The following TTN variants were observed in gnomAD, a reference collection of about 807,000 sequenced individuals.
TTN encodes the protein titin, also known as connectin.
In TTN, 1,525 loss-of-function variants were observed where a neutral mutation model predicts 3,223.0. The observed-to-expected ratio is 0.47, with a 90% confidence interval of 0.45 to 0.49. The LOEUF is 0.49. Ranked by LOEUF, TTN falls within the 20% of genes least tolerant of loss-of-function variation. The pLI, the probability that TTN is intolerant of heterozygous loss-of-function variation, is 0.00. For missense variants in TTN, 40,786 were observed against 43,424.0 expected (o/e 0.94, Z 5.40); for synonymous variants, 14,094 against 15,161.0 (o/e 0.93, Z 5.17).
In TTN at chr2:178,601,517, C is replaced by T. The variant is rs368523054; in HGVS notation, c.55480G>A (p.Gly18494Ser). Reference protein sequence around the residue: ...KDLKVSDITRGSCRLSWKMPD... With the variant: ...KDLKVSDITRSSCRLSWKMPD... Reference sequence around the variant, plus strand: ...ATCTTCCATGAAAGTCTGCAACTACCCCTTGTGATATCACTGACTTTCAGA... The same window carrying T: ...ATCTTCCATGAAAGTCTGCAACTACTCCTTGTGATATCACTGACTTTCAGA... The change falls in exon 287 of 363, where the codon GGT becomes AGT. Residue 18494 changes from glycine to serine, a missense_variant. Gly to Ser is a moderately conservative substitution (Grantham distance 56). Coordinates refer to ENST00000589042, the MANE Select transcript of TTN (RefSeq NM_001267550.2). 2.5e-6 allele frequency: 4 copies of T among 1,612,750 alleles called. No individual in the cohort carries two copies. Among genetic ancestry groups the T allele is most frequent in the Non-Finnish European group, 3.4e-6 (4 of 1,179,218 alleles).
At position 178,621,243 on chromosome 2, in the gene TTN, G is replaced by C; in HGVS notation, c.45475C>G (p.Leu15159Val). The change falls in exon 246 of 363, where the codon CTT becomes GTT. Residue 15159 changes from leucine (L) to valine (V), a missense_variant. Physicochemically the swap from Leu to Val is conservative, Grantham distance 32 (BLOSUM62 1). Transcript: ENST00000589042. ...PVQWKRDDKT[L>V]ESGDKYDVIA... ...ACGTCATATTTATCTCCAGATTCAA[G>C]TGTCTTATCATCCCTCTTCCACTGG... is the stretch of plus-strand genomic sequence containing the variant. 1.2e-6 allele frequency: 2 copies of C among 1,612,246 alleles called. No homozygotes were observed. The highest frequency in any genetic ancestry group is 1.7e-6 in the Non-Finnish European group (2 of 1,179,092).
Position 178,757,594 on chromosome 2 carries a change from G to C in TTN, c.10626C>G (p.Ala3542=). The change falls in exon 45 of 363, where the codon GCC becomes GCG. Residue 3542 remains alanine (A), a synonymous_variant. Transcript: ENST00000589042. ...EHAGQYSCKA[A]NSAGEATCAA... ...CACAAGTGGCTTCCCCAGCACTATT[G>C]GCTGCTTTGCAAGAGTACTGCCCAG... 2 of 1,607,614 alleles carry C rather than the reference G, an allele frequency of 1.2e-6. No homozygotes were observed. The highest frequency in any genetic ancestry group is 1.7e-6 in the Non-Finnish European group (2 of 1,175,326).
At chr2:178,766,332 AT>A (rs2090418332) in intron 41 of TTN, 48 bp downstream of exon 41, 1 of 1,409,492 alleles carries the variant, frequency 7.1e-7, no homozygotes, top group Non-Finnish European at 1.0e-6. Context: ...AAACAGGAGG[AT>A]TATTTCTGAT....
intron 99 of TTN, 63 bp from the exon 100 acceptor site, chr2:178,707,876 A>AGTGGT: frequency 6.6e-7 from 1 of 1,507,482 alleles, no homozygotes; most frequent in Non-Finnish European, 8.9e-7. Context: ...ATTCCACAAG[A>AGTGGT]GAAACAAATA....
Position 178,549,709 on chromosome 2 carries a change from C to T in TTN, c.92013G>A (p.Glu30671=), listed in dbSNP as rs746522612. Residue 30671 remains glutamate (E), a synonymous_variant, in exon 338 of 363, where the codon GAG becomes GAA. Transcript: ENST00000589042. ...TGTAACTTTGGGCTTCACATTTATC[C>T]TCAATTAGTGCCCAGGCAAGTCTGC... The part of the protein sequence containing the change: ...ETSRLAWALI[E]DKCEAQSYTA... The T allele has an allele frequency of 1.1e-5, 17 of 1,613,576 alleles. No individual in the cohort carries two copies. Among genetic ancestry groups the T allele is most frequent in the Non-Finnish European group, 1.4e-5 (17 of 1,179,750 alleles).
At position 178,783,039 on chromosome 2, in the gene TTN, T is replaced by A. The variant is rs1256742632; in HGVS notation, c.2867A>T (p.Glu956Val). The change falls in exon 18 of 363, where the codon GAA (glutamate) becomes GTA (valine). Residue 956 changes from glutamate (E) to valine (V), a missense_variant. Coordinates refer to ENST00000589042, the MANE Select transcript of TTN (RefSeq NM_001267550.2). ...GCACTCCAAGGTGACAGATTCACCT[T>A]CTATGACAGTCACATTTTTTAAGCC... ...VSGLKNVTVI[E>V]GESVTLECHI... 6.2e-7 allele frequency: 1 copy of A among 1,614,080 alleles called. No homozygotes were observed. Among genetic ancestry groups the A allele is most frequent in the African/African-American group, 1.3e-5 (1 of 75,046 alleles).
At chr2:178,764,908 T>A (rs982479465) in intron 41 of TTN, 97 bp from the exon 42 acceptor site, 127 of 1,425,492 alleles carry the variant, frequency 8.9e-5, no homozygotes, top group Non-Finnish European at 1.2e-4. Flanking sequence ...TAGTTATACA[T>A]CCAGAGACAA....
chr2:178,527,420 C>T (rs1270908685), intron 362 of TTN, 26 bp downstream of exon 362: 1 of 1,604,092 alleles, frequency 6.2e-7, no homozygotes, highest in South Asian at 1.1e-5. Flanking sequence ...GGCTTGTCTA[C>T]CTCTACCAGT....
In TTN at chr2:178,571,861, C is replaced by T; in HGVS notation, c.74271G>A (p.Lys24757=). 2 of 1,613,516 alleles carry T rather than the reference C, an allele frequency of 1.2e-6. No homozygotes were observed. Among genetic ancestry groups the T allele is most frequent in the Non-Finnish European group, 8.5e-7 (1 of 1,179,600 alleles). The change falls in exon 326 of 363, where the codon AAG becomes AAA. Residue 24757 remains lysine (K), a synonymous_variant. Coordinates refer to ENST00000589042, the MANE Select transcript of TTN (RefSeq NM_001267550.2). ...VTWHKDNVPL[K]QTTRVNAEST... is the part of the protein sequence containing the mutation. The stretch of plus-strand genomic sequence containing the variant: ...TCTCTGCATTTACTCTAGTTGTCTG[C>T]TTCAGTGGTACATTATCTTTATGCC...
chr2:178,543,553 G>A lies in TTN; in HGVS notation c.96420C>T (p.Tyr32140=), dbSNP rs1009407656. The A allele has an allele frequency of 2.5e-6, 4 of 1,611,456 alleles. No individual in the cohort carries two copies. In the African/African-American group the frequency reaches 5.3e-5, roughly 22 times the overall value. Residue 32140 remains tyrosine, a synonymous_variant, in exon 347 of 363, where the codon TAC becomes TAT. Transcript: ENST00000589042. ...TIDGGAPVNN[Y]IVEKREAAMR... is the part of the protein sequence containing the mutation. ...TAGCAGCTTCACGCTTCTCAACGAT[G>A]TAATTGTTGACTGGAGCTCCACCAT...
At chr2:178,701,293 T>G in intron 110 of TTN, 90 bp from the exon 111 acceptor site, 1 of 1,227,792 alleles carries the variant, frequency 8.1e-7, no homozygotes, top group Non-Finnish European at 1.2e-6. Flanking sequence ...CTTTCAGTAC[T>G]TCATAGGTAT....
In TTN at chr2:178,730,931, C is replaced by T. The variant is rs879030996; in HGVS notation, c.17734G>A (p.Val5912Ile). The change falls in exon 60 of 363, where the codon GTA (valine) becomes ATA (isoleucine). Residue 5912 changes from valine (V) to isoleucine (I), a missense_variant. By Grantham distance (29) the Val-to-Ile change is conservative. Coordinates refer to ENST00000589042, the MANE Select transcript of TTN (RefSeq NM_001267550.2). ...GTAGAAGAACAATACCAACCTAATACATTAATTCTAGCCTTGCAGCTGCTC... is the reference window on the plus strand; with the variant it reads ...GTAGAAGAACAATACCAACCTAATATATTAATTCTAGCCTTGCAGCTGCTC... ...GRSSCKARIN[V>I]LDLIIPPSFT... The T allele has an allele frequency of 2.5e-6, 4 of 1,600,326 alleles. No individual in the cohort carries two copies. Among genetic ancestry groups the T allele is most frequent in the Non-Finnish European group, 2.6e-6 (3 of 1,172,498 alleles).
chr2:178,780,009 T>A lies in TTN; in HGVS notation c.3720A>T (p.Val1240=). 6.2e-7 allele frequency: 1 copy of A among 1,612,496 alleles called. No homozygotes were observed. The highest frequency in any genetic ancestry group is 2.2e-5 in the East Asian group (1 of 44,808). ...TTACTTTTATACTCACCTGATCTTC[T>A]ACATAAGTTCTGACCACTACAGTAT... ...AKDTVVVRTY[V]EDQEFHISSF... The change falls in exon 22 of 363, where the codon GTA becomes GTT. Residue 1240 remains valine (V), a synonymous_variant. Transcript: ENST00000589042.
chr2:178,681,152 T>A lies in TTN; in HGVS notation c.33267A>T (p.Lys11089Asn). The change falls in exon 138 of 363, where the codon AAA (lysine) becomes AAT (asparagine). Residue 11089 changes from lysine to asparagine, a missense_variant. Transcript: ENST00000589042. ...AAATACGTATTTTTTCCTCAAAAAC[T>A]TTCTTTGGTTCTTCAGGCACTTTAA... ...PPPKVPEEPKKVFEEKIRISI... is the reference protein window; with the variant it reads ...PPPKVPEEPKNVFEEKIRISI... The A allele has an allele frequency of 6.2e-7, 1 of 1,602,812 alleles. No homozygotes were observed. The highest frequency in any genetic ancestry group is 8.5e-7 in the Non-Finnish European group (1 of 1,176,656).
chr2:178,552,018 C>G lies in TTN; in HGVS notation c.90882G>C (p.Glu30294Asp). ...FKVPNLVKDAEYQFRVRAENR... is the reference protein window; with the variant it reads ...FKVPNLVKDADYQFRVRAENR... ...TTTCTGCTCTCACTCTAAACTGGTACTCAGCATCTTTGACTAGATTAGGAA... is the reference window on the plus strand; with the variant it reads ...TTTCTGCTCTCACTCTAAACTGGTAGTCAGCATCTTTGACTAGATTAGGAA... The change falls in exon 335 of 363, where the codon GAG becomes GAC. Residue 30294 changes from glutamate (E) to aspartate (D), a missense_variant. By Grantham distance (45) the Glu-to-Asp change is conservative. Coordinates refer to ENST00000589042, the MANE Select transcript of TTN (RefSeq NM_001267550.2). 1.9e-6 allele frequency: 3 copies of G among 1,613,160 alleles called. No homozygotes were observed. The highest frequency in any genetic ancestry group is 2.5e-6 in the Non-Finnish European group (3 of 1,179,378).
chr2:178,735,433 G>C, intron 50 of TTN, 78 bp downstream of exon 50: 1 of 1,336,246 alleles, frequency 7.5e-7, no homozygotes, highest in Non-Finnish European at 1.0e-6. Flanking sequence ...TGTACTGACT[G>C]AATTGTTTGC....
In TTN at chr2:178,681,446, C is replaced by T. The variant is rs749033512; in HGVS notation, c.33177G>A (p.Leu11059=). 8 of 1,606,898 alleles carry T rather than the reference C, an allele frequency of 5.0e-6. No individual in the cohort carries two copies. Among genetic ancestry groups the T allele is most frequent in the Non-Finnish European group, 6.8e-6 (8 of 1,177,606 alleles). The stretch of plus-strand genomic sequence containing the variant: ...CTTTTTCTTCAGGGACAGCTTTCTT[C>T]AGCACTTCAAAATATCAATATTAAG... ...TKPKAPPAKV[L]KKAVPEEKVP... is the part of the protein sequence containing the mutation. Residue 11059 remains leucine (L), a synonymous_variant, in exon 137 of 363, where the codon CTG becomes CTA. Coordinates refer to ENST00000589042, the MANE Select transcript of TTN (RefSeq NM_001267550.2).
intron 165 of TTN, 130 bp downstream of exon 165, chr2:178,665,247 A>T (rs1296668388): frequency 1.1e-6 from 1 of 931,730 alleles, no homozygotes; most frequent in East Asian, 2.6e-5. Flanking sequence ...CTTCCTGTGG[A>T]ACCTCAGACA....
Position 178,720,672 on chromosome 2 carries a change from A to G in TTN, c.23099-9T>C, listed in dbSNP as rs2154300802. ...GGTGAAAACAGGAGGTGCTACCAGAAAAAAGGAGATAAACAATGAGAACAC... is the reference window on the plus strand; with the variant it reads ...GGTGAAAACAGGAGGTGCTACCAGAGAAAAGGAGATAAACAATGAGAACAC... On this transcript the variant is annotated splice_polypyrimidine_tract_variant and intron_variant, in intron 79 of 362. Coordinates refer to ENST00000589042, the MANE Select transcript of TTN (RefSeq NM_001267550.2). 6.4e-7 allele frequency: 1 copy of G among 1,563,590 alleles called. No homozygotes were observed. The highest frequency in any genetic ancestry group is 2.2e-5 in the East Asian group (1 of 44,482).
Sources: allele counts gnomAD v4.1 joint callset, GRCh38; gene constraint gnomAD v4.1.1; transcripts MANE v1.5; gene names NCBI Gene and HGNC (gene_info 2026-07-23, HGNC 2026-07-21).